HECTD2: variants seen among roughly 807,000 people sequenced by gnomAD.
The protein encoded by HECTD2 is HECT domain E3 ubiquitin protein ligase 2.
In HECTD2, 35 loss-of-function variants were observed where a neutral mutation model predicts 103.2. The ratio of observed to expected loss-of-function variants is 0.34; its 90% confidence interval spans 0.26 to 0.45. The LOEUF (loss-of-function observed/expected upper bound fraction) is 0.45, where lower values mean the gene tolerates loss of function less well. Among genes scored for constraint, HECTD2 ranks in the 20% least tolerant of loss-of-function variants. HECTD2 has a pLI of 1.00. For missense variants in HECTD2, 596 were observed against 937.4 expected (o/e 0.64, Z 4.76); for synonymous variants, 281 against 329.9 (o/e 0.85, Z 1.61).
intron 4 of HECTD2, among the ~76,000 whole-genome samples, chr10:91,461,640 C>T (rs1168874258): frequency 6.6e-6 from 1 of 152,094 alleles, no homozygotes; most frequent in Non-Finnish European, 1.5e-5. Flanking sequence ...CCTCTGCCTC[C>T]TGGGTTCATG....
At chr10:91,421,141 G>A (rs997084669) in intron 1 of HECTD2, among the ~76,000 whole-genome samples, 9 of 151,294 alleles carry the variant, frequency 5.9e-5, no homozygotes, top group Admixed American at 1.3e-4. Context: ...TGTATAGTCC[G>A]TGCCACCACC....
chr10:91,429,651 C>A (rs1009169886), intron 2 of HECTD2, among the ~76,000 whole-genome samples: 7 of 152,146 alleles, frequency 4.6e-5, no homozygotes, highest in Non-Finnish European at 1.0e-4. Context: ...TCTAGATTTT[C>A]TAGTTTATTT....
chr10:91,451,003 G>A (rs561088474), intron 2 of HECTD2, among the ~76,000 whole-genome samples: 25 of 149,120 alleles, frequency 1.7e-4, no homozygotes, highest in East Asian at 1.2e-3. Context: ...TAGCAATCCC[G>A]TTACTGGGTT....
chr10:91,431,352 T>G (rs763699169), intron 2 of HECTD2, among the ~76,000 whole-genome samples: 1 of 152,094 alleles, frequency 6.6e-6, no homozygotes, highest in African/African-American at 2.4e-5. Context: ...CTGACAATTA[T>G]GTGTTTTGGA....
chr10:91,441,850 A>T, intron 2 of HECTD2, among the ~76,000 whole-genome samples: 1 of 121,908 alleles, frequency 8.2e-6, no homozygotes, highest in Non-Finnish European at 1.7e-5. Context: ...GTTGGTTTAA[A>T]GTCTGTTTCA....
At chr10:91,412,668 A>ATGTGTGTG (rs58691011) in intron 1 of HECTD2, among the ~76,000 whole-genome samples, 3,445 of 147,218 alleles carry the variant, frequency 0.023, 66 homozygotes, top group African/African-American at 0.043. Flanking sequence ...CTGTGGCAGA[A>ATGTGTGTG]TGTGTGTGTG....
intron 1 of HECTD2, among the ~76,000 whole-genome samples, chr10:91,411,147 TG>T (rs981396766): frequency 1.3e-5 from 2 of 152,148 alleles, no homozygotes; most frequent in Non-Finnish European, 2.9e-5. Flanking sequence ...GTGACTCAGG[TG>T]GGGGGAGGCT....
intron 2 of HECTD2, among the ~76,000 whole-genome samples, chr10:91,426,673 C>T (rs1843573394): frequency 6.6e-6 from 1 of 151,732 alleles, no homozygotes; most frequent in African/African-American, 2.4e-5. Flanking sequence ...TCCATTATTT[C>T]TATACTAATA....
chr10:91,451,840 G>T (rs1307169256), intron 2 of HECTD2, among the ~76,000 whole-genome samples: 1 of 152,102 alleles, frequency 6.6e-6, no homozygotes, highest in Non-Finnish European at 1.5e-5. Context: ...TGTGACTATT[G>T]ATATGCCTGT....
chr10:91,439,127 T>A (rs1172501082), intron 2 of HECTD2, among the ~76,000 whole-genome samples: 3 of 152,224 alleles, frequency 2.0e-5, no homozygotes, highest in Non-Finnish European at 4.4e-5. Flanking sequence ...TTGCTTTTGA[T>A]GTTTTAGTCA....
intron 20 of HECTD2, among the ~76,000 whole-genome samples, chr10:91,507,081 A>T (rs1847216208): frequency 6.6e-6 from 1 of 152,228 alleles, no homozygotes; most frequent in South Asian, 2.1e-4. Flanking sequence ...ACAACGCTTC[A>T]TGCTAAAAAC....
intron 5 of HECTD2, among the ~76,000 whole-genome samples, chr10:91,463,870 A>G (rs1845440524): frequency 6.6e-6 from 1 of 152,236 alleles, no homozygotes; most frequent in Non-Finnish European, 1.5e-5. Flanking sequence ...CACTTTGGAA[A>G]AATACTTGGC....
chr10:91,481,106 A>G lies in HECTD2; in HGVS notation c.678A>G (p.Lys226=). 6.6e-7 allele frequency: 1 copy of G among 1,522,178 alleles called. No homozygotes were observed. The highest frequency in any genetic ancestry group is 9.0e-7 in the Non-Finnish European group (1 of 1,113,342). 94.3% of individuals were successfully genotyped at this position (1,522,178 alleles called of 1,614,324 possible). A position where few individuals can be genotyped will look rare whatever the true frequency, so the allele number is the denominator to read the frequency against. Residue 226 remains lysine (K), a synonymous_variant, in exon 7 of 21, where the codon AAA becomes AAG. Transcript: ENST00000298068. ...GTTTCTTTTTCAGTCCACGAACAAA[A>G]GATGATCTTAGAGCATATTTTATAC... ...LLREWKGPRT[K]DDLRAYFILL...
chr10:91,412,737 T>G (rs1240719082), intron 1 of HECTD2, among the ~76,000 whole-genome samples: 1 of 151,532 alleles, frequency 6.6e-6, no homozygotes, highest in Non-Finnish European at 1.5e-5. Flanking sequence ...TCAGAGCTAA[T>G]AGCAGTGAAA....
At chr10:91,478,983 T>C (rs1226664834) in intron 6 of HECTD2, among the ~76,000 whole-genome samples, 7 of 152,116 alleles carry the variant, frequency 4.6e-5, no homozygotes, top group Non-Finnish European at 1.0e-4. Context: ...ATAGAAAATA[T>C]AGAGAAGGCA....
chr10:91,512,220 G>A lies in HECTD2; in HGVS notation c.2211-44G>A, dbSNP rs375285120. 18 of 1,593,326 alleles carry A rather than the reference G, an allele frequency of 1.1e-5. No individual in the cohort carries two copies. In the African/African-American group the frequency reaches 2.2e-4, roughly 19 times the overall value. ...TAAAGTTGCATAGCAGTCATTTTGT[G>A]TGTGTTTCAAGACTTAGTATTTTTT... On this transcript the variant is annotated intron_variant, in intron 20 of 20. Transcript: ENST00000298068.
intron 2 of HECTD2, among the ~76,000 whole-genome samples, chr10:91,454,551 T>C (rs1754524684): frequency 6.6e-6 from 1 of 151,810 alleles, no homozygotes; most frequent in Admixed American, 6.6e-5. Context: ...CAGTCATGCA[T>C]ACGTTAGAAA....
intron 5 of HECTD2, among the ~76,000 whole-genome samples, chr10:91,477,808 A>G (rs1271467649): frequency 1.3e-5 from 2 of 152,192 alleles, no homozygotes; most frequent in Non-Finnish European, 2.9e-5. Flanking sequence ...TTGATAGTAA[A>G]TAAGATTTTT....
At position 91,485,176 on chromosome 10, in the gene HECTD2, A is replaced by G; in HGVS notation, c.971-4A>G. Reference sequence around the variant, plus strand: ...AGTCTTTATGTTAGAATTTATCTTTACAGATACTGCAAACAATTTAGTTCA... The same window carrying G: ...AGTCTTTATGTTAGAATTTATCTTTGCAGATACTGCAAACAATTTAGTTCA... On this transcript the variant is annotated splice_region_variant and splice_polypyrimidine_tract_variant and intron_variant, in intron 9 of 20. Coordinates refer to ENST00000298068, the MANE Select transcript of HECTD2 (RefSeq NM_182765.6). The G allele has an allele frequency of 6.5e-7, 1 of 1,527,062 alleles. No individual in the cohort carries two copies. The highest frequency in any genetic ancestry group is 8.9e-7 in the Non-Finnish European group (1 of 1,125,064). 94.6% of individuals were successfully genotyped at this position (1,527,062 alleles called of 1,614,324 possible).
Sources: gnomAD v4.1 joint callset for allele counts (sites outside exome capture counted in the v4.1 genomes callset) on GRCh38, gnomAD v4.1.1 for gene constraint, MANE v1.5 for transcripts, NCBI Gene and HGNC (gene_info 2026-07-23, HGNC 2026-07-21) for gene names.